ASXL1: variants seen among roughly 807,000 people sequenced by gnomAD.
The protein encoded by ASXL1 is polycomb group protein ASXL1.
Under a neutral mutation model 89.1 loss-of-function variants are expected in ASXL1, and 65 were observed. That is an observed-to-expected ratio of 0.73 (90% confidence interval 0.60 to 0.90). The LOEUF (loss-of-function observed/expected upper bound fraction) is 0.90. Among genes scored for constraint, ASXL1 ranks in the 40% least tolerant of loss-of-function variants. The pLI, the probability that ASXL1 is intolerant of heterozygous loss-of-function variation, is 0.00. For missense variants in ASXL1, 1,786 were observed against 1,942.9 expected, an observed-to-expected ratio of 0.92 and a Z score of 1.52; for synonymous variants, 739 against 746.9, an observed-to-expected ratio of 0.99 and a Z score of 0.17.
At chr20:32,402,291 T>C (rs2048889057) in intron 4 of ASXL1, among the ~76,000 whole-genome samples, 1 of 151,834 alleles carries the variant, frequency 6.6e-6, no homozygotes, top group Non-Finnish European at 1.5e-5. Context: ...CTAGGCTCAA[T>C]CTATCCTCCT....
rs1294240374 is a variant in ASXL1, at chr20:32,393,417, A to G, written c.252+24294A>G. Among the ~76,000 whole-genome samples, 7 of 152,098 alleles carry G rather than the reference A, an allele frequency of 4.6e-5. No individual in the cohort carries two copies. In the East Asian group the frequency reaches 1.4e-3, roughly 29 times the overall value. On this transcript the variant is annotated intron_variant, in intron 4 of 12. Coordinates refer to ENST00000375687, the MANE Select transcript of ASXL1 (RefSeq NM_015338.6). ...TGTGTTTGGGATCTTGCTTTTATCC[A>G]GTTTGATAGTGTTTGCCTTTTAATT...
intron 4 of ASXL1, among the ~76,000 whole-genome samples, chr20:32,405,852 T>G (rs1383445955): frequency 6.6e-6 from 1 of 152,170 alleles, no homozygotes; most frequent in African/African-American, 2.4e-5. Context: ...CTTTGATCAC[T>G]TGGTTAAGGT....
chr20:32,421,459 AT>A (rs1205842459), intron 4 of ASXL1, among the ~76,000 whole-genome samples: 4 of 149,844 alleles, frequency 2.7e-5, no homozygotes, highest in East Asian at 2.0e-4. Context: ...TGGGAGTATA[AT>A]TTTTTTTTTA....
intron 4 of ASXL1, among the ~76,000 whole-genome samples, chr20:32,376,167 A>G (rs1360098278): frequency 6.6e-6 from 1 of 152,178 alleles, no homozygotes; most frequent in Non-Finnish European, 1.5e-5. Context: ...ATAGTGGTCG[A>G]CCAAGGGCTA....
In ASXL1 at chr20:32,379,161, C is replaced by CTTTTTTT. The variant is rs71187113; in HGVS notation, c.252+10073_252+10079dup. Among the ~76,000 whole-genome samples, 66 of 61,796 alleles carry CTTTTTTT rather than the reference C, an allele frequency of 1.1e-3. 10 individuals carry two copies. Among genetic ancestry groups the CTTTTTTT allele is most frequent in the Non-Finnish European group, 1.2e-3 (43 of 36,162 alleles). The allele number at this position is 61,796 out of a possible 152,430, so 40.5% of individuals were successfully genotyped here. On this transcript the variant is annotated intron_variant, in intron 4 of 12. Transcript: ENST00000375687. ...ACTCACTGTCAGGTATAACTTCAGT[C>CTTTTTTT]TTTTTTTTTTTTTTTTTTTTTTTTT...
rs529527086 is a variant in ASXL1 at position 32,435,466 on chromosome 20, C to T, written c.2754C>T (p.His918=). Residue 918 remains histidine (H), a synonymous_variant, in exon 13 of 13, where the codon CAC becomes CAT. Coordinates refer to ENST00000375687, the MANE Select transcript of ASXL1 (RefSeq NM_015338.6). ...VKQPKPESRE[H]IPSVEPQVGE... ...AGCCCAAACCAGAATCCAGAGAACA[C>T]ATACCATCTGTTGAGCCCCAGGTTG... 1.3e-5 allele frequency: 21 copies of T among 1,613,950 alleles called. No homozygotes were observed. Among genetic ancestry groups the T allele is most frequent in the Non-Finnish European group, 1.8e-5 (21 of 1,180,030 alleles).
chr20:32,432,421 G>A (rs906661960), intron 10 of ASXL1: 8 of 206,842 alleles, frequency 3.9e-5, no homozygotes, highest in African/African-American at 1.9e-4. Context: ...CACATACCCA[G>A]CTTCCAGATT....
rs1457578532 is a variant in ASXL1, at chr20:32,436,878, G to A, written c.4166G>A (p.Gly1389Glu). ...KANAENRKAT[G>E]HSPLELVGHL... ...AATGCCGAGAACAGGAAAGCTACTGGGCATAGTCCCCTGGAACTGGTGGGT... is the reference window on the plus strand; with the variant it reads ...AATGCCGAGAACAGGAAAGCTACTGAGCATAGTCCCCTGGAACTGGTGGGT... The change falls in exon 13 of 13, where the codon GGG (glycine) becomes GAG (glutamate). Residue 1389 changes from glycine to glutamate, a missense_variant. By Grantham distance (98) the Gly-to-Glu change is moderately conservative (BLOSUM62 -2). Around this residue, in one of 3 missense-constraint regions of ASXL1, gnomAD observed 1,418 missense variants for 1,427.8 expected, o/e 0.99. Transcript: ENST00000375687. 1 of 1,614,172 alleles carries A rather than the reference G, an allele frequency of 6.2e-7. No individual in the cohort carries two copies. Among genetic ancestry groups the A allele is most frequent in the Non-Finnish European group, 8.5e-7 (1 of 1,180,032 alleles).
At chr20:32,403,685 G>A (rs1600531416) in intron 4 of ASXL1, among the ~76,000 whole-genome samples, 1 of 152,300 alleles carries the variant, frequency 6.6e-6, no homozygotes, top group East Asian at 1.9e-4. Context: ...AAAGTGCTGG[G>A]ATTAAAGGCA....
rs2011919174 is a variant in ASXL1 at position 32,436,732 on chromosome 20, A to G, written c.4020A>G (p.Pro1340=). The G allele has an allele frequency of 6.2e-7, 1 of 1,614,116 alleles. No homozygotes were observed. The highest frequency in any genetic ancestry group is 8.5e-7 in the Non-Finnish European group (1 of 1,180,042). Residue 1340 remains proline (P), a synonymous_variant, in exon 13 of 13, where the codon CCA becomes CCG. Transcript: ENST00000375687. The stretch of plus-strand genomic sequence containing the variant: ...TTTTTCCCAGTGGGAAGTTGGGACC[A>G]AGCACAAACTCCATGTCTGGTGGGG... ...PPVFPSGKLG[P]STNSMSGGVQ... is the part of the protein sequence containing the mutation.
At position 32,435,476 on chromosome 20, in the gene ASXL1, G is replaced by T; in HGVS notation, c.2764G>T (p.Val922Phe). 6.2e-7 allele frequency: 1 copy of T among 1,614,078 alleles called. No homozygotes were observed. The highest frequency in any genetic ancestry group is 8.5e-7 in the Non-Finnish European group (1 of 1,180,026). The change falls in exon 13 of 13, where the codon GTT becomes TTT. Residue 922 changes from valine (V) to phenylalanine (F), a missense_variant. By Grantham distance (50) the Val-to-Phe change is conservative. This residue lies in a region of ASXL1 where 1,418 missense variants were observed against 1,427.8 expected (regional missense o/e 0.99). Transcript: ENST00000375687. ...KPESREHIPS[V>F]EPQVGEEWEK... ...AGAATCCAGAGAACACATACCATCT[G>T]TTGAGCCCCAGGTTGGAGAGGAGTG...
Position 32,418,893 on chromosome 20 carries a change from C to T in ASXL1, c.253-9235C>T, listed in dbSNP as rs577828726. 5.0e-5 allele frequency among the ~76,000 whole-genome samples: 6 copies of T among 120,656 alleles called. No homozygotes were observed. The East Asian group carries it at 1.6e-3, about 33-fold the overall frequency. 79.2% of individuals were successfully genotyped at this position (120,656 alleles called of 152,430 possible). The stretch of plus-strand genomic sequence containing the variant: ...TGTCACCCAGGCTGGAATGCAGTGG[C>T]ACAATCTTGGCCTACTGTAATCTCC... On this transcript the variant is annotated intron_variant, in intron 4 of 12. Transcript: ENST00000375687.
chr20:32,384,473 G>A (rs1034388994), intron 4 of ASXL1, among the ~76,000 whole-genome samples: 1 of 152,130 alleles, frequency 6.6e-6, no homozygotes, highest in Non-Finnish European at 1.5e-5. Context: ...TAGGATTACA[G>A]GTGTGAGCCA....
At position 32,435,390 on chromosome 20, in the gene ASXL1, AC is replaced by A; in HGVS notation, c.2679del (p.Asn893LysfsTer15). On this transcript the variant is annotated frameshift_variant, in exon 13 of 13. Coordinates refer to ENST00000375687, the MANE Select transcript of ASXL1 (RefSeq NM_015338.6). LOFTEE classifies it low-confidence loss of function (END_TRUNC). ...TTGAAAACCAAGGCTCTCGTTTCTA[AC>A]AGTTCTTTGCATTGGATACCCATCC... ...ENLKTKALVS[N>X]SSLHWIPIPS... is the part of the protein sequence containing the mutation. 1 of 1,614,208 alleles carries A rather than the reference AC, an allele frequency of 6.2e-7. No individual in the cohort carries two copies. The highest frequency in any genetic ancestry group is 8.5e-7 in the Non-Finnish European group (1 of 1,180,032).
At chr20:32,375,240 C>T (rs753843191) in intron 4 of ASXL1, among the ~76,000 whole-genome samples, 33 of 151,950 alleles carry the variant, frequency 2.2e-4, no homozygotes, top group Non-Finnish European at 2.4e-4. Flanking sequence ...CTGAGTCGGG[C>T]GGATCACCTT....
chr20:32,385,737 G>T (rs924694012), intron 4 of ASXL1, among the ~76,000 whole-genome samples: 1 of 151,842 alleles, frequency 6.6e-6, no homozygotes, highest in Non-Finnish European at 1.5e-5. Flanking sequence ...GCCCCCTTAC[G>T]ATCCAGTGCT....
At chr20:32,367,682 C>T (rs185545478) in intron 2 of ASXL1, 45 bp from the exon 3 acceptor site, 12 of 780,476 alleles carry the variant, frequency 1.5e-5, no homozygotes, top group African/African-American at 3.4e-5. Flanking sequence ...GGCTATTTCC[C>T]ATCATGCTGC....
rs1324014939 is a variant in ASXL1, at chr20:32,427,660, T to TAAAA, written c.253-468_253-467insAAAA. 2.0e-5 allele frequency: 4 copies of TAAAA among 201,486 alleles called. No individual in the cohort carries two copies. In the Admixed American group the frequency reaches 2.1e-4, roughly 11 times the overall value. The allele number at this position is 201,486 out of a possible 1,614,324, so 12.5% of individuals were successfully genotyped here. A position where few individuals can be genotyped will look rare whatever the true frequency, so the allele number is the denominator to read the frequency against. ...ACCCAGCTTAAGCAACACATCCTTT[T>TAAAA]GGATGTGTTACTTCCCTGATCGTTA... On this transcript the variant is annotated intron_variant, in intron 4 of 12. Coordinates refer to ENST00000375687, the MANE Select transcript of ASXL1 (RefSeq NM_015338.6).
intron 4 of ASXL1, among the ~76,000 whole-genome samples, chr20:32,377,555 C>T (rs1210816010): frequency 1.3e-5 from 2 of 152,080 alleles, no homozygotes; most frequent in Non-Finnish European, 2.9e-5. Flanking sequence ...GGAATATTTA[C>T]CACATACATA....
Sources: allele counts gnomAD v4.1 joint callset (sites outside exome capture counted in the v4.1 genomes callset), GRCh38; gene constraint gnomAD v4.1.1; regional missense constraint gnomAD v4.1.1; transcripts MANE v1.5; gene names NCBI Gene and HGNC (gene_info 2026-07-23, HGNC 2026-07-21).